The following INAVA variants were observed in gnomAD, a reference collection of about 807,000 sequenced individuals.
INAVA encodes innate immunity activator protein.
In INAVA, 32 loss-of-function variants were observed where a neutral mutation model predicts 55.3. The observed-to-expected ratio is 0.58, with a 90% CI of 0.44 to 0.78. The LOEUF (loss-of-function observed/expected upper bound fraction) is 0.78, where lower values mean the gene tolerates loss of function less well. Ranked by LOEUF, INAVA falls within the 30% of genes least tolerant of loss-of-function variation. INAVA has a pLI of 0.00. For synonymous variants in INAVA, 294 were observed against 329.4 expected (o/e 0.89, Z 1.16); for missense variants, 756 against 786.4 (o/e 0.96, Z 0.46).
At chr1:200,908,966 G>T in intron 7 of INAVA, 26 bp downstream of exon 7, 1 of 1,591,936 alleles carries the variant, frequency 6.3e-7, no homozygotes, top group South Asian at 1.1e-5. Context: ...AAGGGAGAAG[G>T]GCAGGGCAGG....
upstream of INAVA, among the ~76,000 whole-genome samples, chr1:200,894,062 T>C (rs1015835655): frequency 2.6e-5 from 4 of 152,160 alleles, no homozygotes; most frequent in Admixed American, 2.6e-4. Context: ...ATAGGCTAGA[T>C]TCCAGTTTCC....
In INAVA at chr1:200,908,734, A is replaced by T. The variant is rs776958908; in HGVS notation, c.579A>T (p.Glu193Asp). 7 of 1,566,458 alleles carry T rather than the reference A, an allele frequency of 4.5e-6. No individual in the cohort carries two copies. Among genetic ancestry groups the T allele is most frequent in the Non-Finnish European group, 4.3e-6 (5 of 1,157,784 alleles). ...LSDGLLLEEE[E>D]SQVPKPPPES... ...AGGTTTCTTTTACTCCTGCAGAGGA[A>T]TCCCAAGTGCCAAAACCTCCTCCAG... is the stretch of plus-strand genomic sequence containing the variant. Residue 193 changes from glutamate to aspartate, a missense_variant, in exon 7 of 10, where the codon GAA becomes GAT. Glu to Asp is a conservative substitution (Grantham distance 45, BLOSUM62 2). Coordinates refer to ENST00000413687, the MANE Select transcript of INAVA (RefSeq NM_001142569.3).
rs1023929025 is a variant in INAVA, at chr1:200,900,758, G to C, written c.298-179G>C. On this transcript the variant is annotated intron_variant, in intron 4 of 9. Transcript: ENST00000413687. Reference sequence around the variant, plus strand: ...TTTCAGGCTGACAAGTTTGCTTTTCGGCTCCTCCCACTCCTTCACCCTCTG... The same window carrying C: ...TTTCAGGCTGACAAGTTTGCTTTTCCGCTCCTCCCACTCCTTCACCCTCTG... Among the ~76,000 whole-genome samples, 29 of 152,152 alleles carry C rather than the reference G, an allele frequency of 1.9e-4. 1 individual carries two copies.
intron 9 of INAVA, among the ~76,000 whole-genome samples, chr1:200,913,165 C>A (rs972734098): frequency 6.6e-6 from 1 of 152,144 alleles, no homozygotes; most frequent in Non-Finnish European, 1.5e-5. Context: ...GGCCCCGGTC[C>A]GAGGCCGCGC....
upstream of INAVA, chr1:200,891,849 C>A: frequency 2.0e-6 from 1 of 494,406 alleles, no homozygotes; most frequent in Non-Finnish European, 3.4e-6. Flanking sequence ...GAGTTCCTAC[C>A]AAAAATGCAC....
chr1:200,903,646 A>G (rs773490584), intron 5 of INAVA, among the ~76,000 whole-genome samples: 28 of 151,368 alleles, frequency 1.8e-4, no homozygotes, highest in Non-Finnish European at 1.9e-4. Flanking sequence ...CTCTACTAAA[A>G]ATACAAAATT....
In INAVA at chr1:200,909,316, T is replaced by A. The variant is rs1179936551; in HGVS notation, c.878T>A (p.Val293Asp). 3.1e-6 allele frequency: 5 copies of A among 1,612,030 alleles called. No individual in the cohort carries two copies. In the South Asian group the frequency reaches 4.4e-5, roughly 14 times the overall value. ...TACCACGTGGTTCCCATCCGTGGTG[T>A]TCCTGGCCAGTGGCAGGGCCGCACC... ...ASYHVVPIRG[V>D]PGQWQGRTSA... is the part of the protein sequence containing the mutation. Residue 293 changes from valine to aspartate, a missense_variant, in exon 8 of 10, where the codon GTT becomes GAT. Physicochemically the swap from Val to Asp is radical, Grantham distance 152. Around this residue, in one of 2 missense-constraint regions of INAVA, gnomAD observed 639 missense variants for 624.3 expected, o/e 1.02. Transcript: ENST00000413687.
rs1045160644 is a variant in INAVA, at chr1:200,914,010, G to C, written c.*381G>C. On this transcript the variant is annotated 3_prime_UTR_variant, in exon 10 of 10. Coordinates refer to ENST00000413687, the MANE Select transcript of INAVA (RefSeq NM_001142569.3). ...TGCTCTGGTTCTAAGAAATTCCCTG[G>C]GGAACTGCCCCTGGCCCTCCTGTCC... 7 of 188,512 alleles carry C rather than the reference G, an allele frequency of 3.7e-5. No individual in the cohort carries two copies. The highest frequency in any genetic ancestry group is 1.6e-4 in the African/African-American group (7 of 42,742). The allele number at this position is 188,512 out of a possible 1,614,324, so 11.7% of individuals were successfully genotyped here.
chr1:200,912,282 C>A, intron 9 of INAVA, 145 bp downstream of exon 9: 1 of 835,978 alleles, frequency 1.2e-6, no homozygotes, highest in Non-Finnish European at 1.8e-6. Flanking sequence ...AAGAACAGGC[C>A]AAAAAATCAT....
chr1:200,908,651 T>A (rs1157120728), intron 6 of INAVA, 79 bp from the exon 7 acceptor site: 2 of 1,242,946 alleles, frequency 1.6e-6, no homozygotes, highest in Non-Finnish European at 2.2e-6. Flanking sequence ...CGGCGAGGCA[T>A]GGGCTGTGGT....
At chr1:200,898,494 T>C (rs1558227841) in intron 2 of INAVA, 39 bp downstream of exon 2, 1 of 1,595,572 alleles carries the variant, frequency 6.3e-7, no homozygotes, top group South Asian at 1.1e-5. Context: ...TAGTCCCTAG[T>C]CCCTGGTCCC....
chr1:200,904,452 C>A (rs960166840), intron 5 of INAVA, among the ~76,000 whole-genome samples: 3 of 152,286 alleles, frequency 2.0e-5, no homozygotes, highest in Admixed American at 2.0e-4. Context: ...AGTAGCCACT[C>A]GCTGCATGTG....
chr1:200,899,800 C>G (rs796255911), intron 3 of INAVA, among the ~76,000 whole-genome samples: 4 of 152,344 alleles, frequency 2.6e-5, no homozygotes, highest in African/African-American at 9.6e-5. Flanking sequence ...GGCAGGGGCC[C>G]AGGCACAGAG....
intron 1 of INAVA, among the ~76,000 whole-genome samples, chr1:200,897,763 G>A (rs1003114366): frequency 9.9e-5 from 15 of 152,076 alleles, no homozygotes; most frequent in Non-Finnish European, 1.6e-4. Flanking sequence ...CTGAGTAGCT[G>A]GGACTACAGG....
intron 5 of INAVA, 54 bp from the exon 6 acceptor site, chr1:200,907,780 T>C: frequency 6.6e-7 from 1 of 1,504,438 alleles, no homozygotes; most frequent in South Asian, 1.1e-5. Flanking sequence ...GTTACTCATA[T>C]CTGTTTGTTC....
upstream of INAVA, among the ~76,000 whole-genome samples, chr1:200,892,605 G>A (rs1403866941): frequency 6.6e-6 from 1 of 152,194 alleles, no homozygotes; most frequent in Non-Finnish European, 1.5e-5. Context: ...ACCAACTGGT[G>A]GTCTGGACGG....
chr1:200,908,196 C>T, intron 6 of INAVA: 1 of 292,414 alleles, frequency 3.4e-6, no homozygotes, highest in Non-Finnish European at 6.5e-6. Flanking sequence ...TCAAGATGCA[C>T]CAGTCAGAGC....
At chr1:200,907,728 G>A in intron 5 of INAVA, 106 bp from the exon 6 acceptor site, 1 of 810,598 alleles carries the variant, frequency 1.2e-6, no homozygotes. Flanking sequence ...AACTGATGCT[G>A]TCCTGGGGGA....
chr1:200,893,685 C>T (rs1668279441), upstream of INAVA, among the ~76,000 whole-genome samples: 1 of 152,108 alleles, frequency 6.6e-6, no homozygotes, highest in South Asian at 2.1e-4. Context: ...CACTCTGGGG[C>T]TAGCATTGTT....
Sources: allele counts gnomAD v4.1 joint callset (sites outside exome capture counted in the v4.1 genomes callset), GRCh38; gene constraint gnomAD v4.1.1; regional missense constraint gnomAD v4.1.1; transcripts MANE v1.5; gene names NCBI Gene and HGNC (gene_info 2026-07-23, HGNC 2026-07-21).